GALNTL6: variants seen among roughly 807,000 people sequenced by gnomAD.
GALNTL6 encodes the protein polypeptide N-acetylgalactosaminyltransferase-like 6.
GALNTL6 carries 46 observed loss-of-function variants against 73.7 expected under a neutral mutation model. The observed-to-expected ratio is 0.62, with a 90% confidence interval of 0.49 to 0.80. The LOEUF (loss-of-function observed/expected upper bound fraction) is 0.80, where lower values mean the gene tolerates loss of function less well. Ranked by LOEUF, GALNTL6 falls within the 30% of genes least tolerant of loss-of-function variation. The probability of loss-of-function intolerance (pLI) is 0.00; values close to 1 mark genes in which losing one functional copy is unlikely to be tolerated. For synonymous variants in GALNTL6, 259 were observed against 263.7 expected (o/e 0.98, Z 0.17); for missense variants, 604 against 755.0 (o/e 0.80, Z 2.34).
intron 2 of GALNTL6, among the ~76,000 whole-genome samples, chr4:171,846,827 T>C (rs1439273517): frequency 1.4e-5 from 2 of 147,626 alleles, no homozygotes; most frequent in Non-Finnish European, 3.0e-5. Flanking sequence ...TGTATCTATC[T>C]ATAGATACAT....
At chr4:171,984,580 C>T (rs770142929) in intron 2 of GALNTL6, among the ~76,000 whole-genome samples, 25 of 152,206 alleles carry the variant, frequency 1.6e-4, no homozygotes, top group African/African-American at 5.5e-4. Flanking sequence ...TGTGACAGCC[C>T]GCTCTGGAGT....
chr4:171,990,410 T>C, intron 2 of GALNTL6, among the ~76,000 whole-genome samples: 1 of 152,158 alleles, frequency 6.6e-6, no homozygotes, highest in East Asian at 1.9e-4. Context: ...CACAGTCACA[T>C]AACAGTAAGA....
At chr4:172,755,185 A>G (rs1162167865) in intron 5 of GALNTL6, among the ~76,000 whole-genome samples, 2 of 152,062 alleles carry the variant, frequency 1.3e-5, no homozygotes, top group African/African-American at 4.8e-5. Flanking sequence ...TCATTCAAGG[A>G]TTATCAGTGA....
intron 8 of GALNTL6, 21 bp downstream of exon 8, chr4:172,882,928 C>T: frequency 8.4e-7 from 1 of 1,196,844 alleles, no homozygotes; most frequent in South Asian, 1.3e-5. Context: ...AGACCCTCTT[C>T]ACACTATATC....
chr4:172,962,605 AG>A (rs1213681731), intron 10 of GALNTL6, among the ~76,000 whole-genome samples: 3 of 152,174 alleles, frequency 2.0e-5, no homozygotes, highest in Non-Finnish European at 2.9e-5. Flanking sequence ...ATTTATGGGA[AG>A]GAACCACAAA....
At chr4:171,889,594 T>G (rs1481192162) in intron 2 of GALNTL6, among the ~76,000 whole-genome samples, 1 of 152,138 alleles carries the variant, frequency 6.6e-6, no homozygotes, top group East Asian at 1.9e-4. Context: ...CCCATCATAC[T>G]GAAGAATCAC....
chr4:172,431,671 A>G (rs1040120799), intron 5 of GALNTL6, among the ~76,000 whole-genome samples: 2 of 152,156 alleles, frequency 1.3e-5, no homozygotes, highest in African/African-American at 4.8e-5. Context: ...TTCTACCATT[A>G]ATTTGTGGAA....
chr4:171,848,617 T>A (rs955067952), intron 2 of GALNTL6, among the ~76,000 whole-genome samples: 4 of 152,236 alleles, frequency 2.6e-5, no homozygotes, highest in African/African-American at 9.6e-5. Flanking sequence ...AGCTTCTACA[T>A]CAGCGTCTAC....
At chr4:172,750,303 T>C (rs1737352811) in intron 5 of GALNTL6, among the ~76,000 whole-genome samples, 1 of 152,214 alleles carries the variant, frequency 6.6e-6, no homozygotes, top group African/African-American at 2.4e-5. Context: ...AAATAATACT[T>C]ATTAAGTTTT....
Position 172,107,732 on chromosome 4 carries a change from C to T in GALNTL6, c.139-121924C>T, listed in dbSNP as rs145144113. ...AGGAGATATACCTAATGTTAAATGA[C>T]GAGTTAATGGGTGCAGCACACCAAC... On this transcript the variant is annotated intron_variant, in intron 2 of 12. Coordinates refer to ENST00000506823, the MANE Select transcript of GALNTL6 (RefSeq NM_001034845.3). 7.2e-3 allele frequency among the ~76,000 whole-genome samples: 1,083 copies of T among 150,570 alleles called. 16 individuals are homozygous for T. Among genetic ancestry groups the T allele is most frequent in the African/African-American group, 0.024 (995 of 41,012 alleles).
chr4:172,223,132 A>G (rs1465368998), intron 2 of GALNTL6, among the ~76,000 whole-genome samples: 2 of 152,024 alleles, frequency 1.3e-5, no homozygotes, highest in South Asian at 4.1e-4. Flanking sequence ...GTTTCAGATA[A>G]TATGTTTACG....
intron 8 of GALNTL6, among the ~76,000 whole-genome samples, chr4:172,897,864 G>A (rs1029696938): frequency 1.3e-5 from 2 of 152,188 alleles, no homozygotes; most frequent in African/African-American, 4.8e-5. Flanking sequence ...GTTTTTGAAT[G>A]AGAGAAACTA....
At chr4:172,135,333 T>G (rs905568177) in intron 2 of GALNTL6, among the ~76,000 whole-genome samples, 19 of 152,112 alleles carry the variant, frequency 1.2e-4, no homozygotes, top group African/African-American at 4.6e-4. Flanking sequence ...CAGCCCTGGA[T>G]GCTGTACTGG....
chr4:172,979,810 A>G (rs1323930738), intron 10 of GALNTL6, among the ~76,000 whole-genome samples: 1 of 152,214 alleles, frequency 6.6e-6, no homozygotes, highest in African/African-American at 2.4e-5. Context: ...GCATGCATTG[A>G]AAGGGACAAT....
chr4:172,210,867 T>G (rs1372408844), intron 2 of GALNTL6, among the ~76,000 whole-genome samples: 1 of 152,186 alleles, frequency 6.6e-6, no homozygotes, highest in Non-Finnish European at 1.5e-5. Context: ...ATTCAATCAT[T>G]TGTTTATATC....
chr4:172,766,332 A>G (rs1738404221), intron 5 of GALNTL6, among the ~76,000 whole-genome samples: 1 of 152,194 alleles, frequency 6.6e-6, no homozygotes, highest in Admixed American at 6.5e-5. Context: ...CCCTGAAAAC[A>G]GTATTTCACT....
chr4:172,419,409 G>C (rs762600033), intron 5 of GALNTL6, among the ~76,000 whole-genome samples: 8 of 152,098 alleles, frequency 5.3e-5, no homozygotes, highest in Non-Finnish European at 1.0e-4. Context: ...TATTAAATAT[G>C]ATTATTTTAG....
intron 3 of GALNTL6, among the ~76,000 whole-genome samples, chr4:172,292,015 G>A (rs539580294): frequency 1.3e-5 from 2 of 152,030 alleles, no homozygotes; most frequent in African/African-American, 4.8e-5. Flanking sequence ...CAAATTATCT[G>A]TTCAAGTTCA....
chr4:172,848,342 C>A (rs1389096990), intron 7 of GALNTL6, among the ~76,000 whole-genome samples: 1 of 152,078 alleles, frequency 6.6e-6, no homozygotes, highest in African/African-American at 2.4e-5. Flanking sequence ...TTTCATTGAC[C>A]TGTATTTATT....
Sources: allele counts gnomAD v4.1 joint callset (sites outside exome capture counted in the v4.1 genomes callset), GRCh38; gene constraint gnomAD v4.1.1; transcripts MANE v1.5; gene names NCBI Gene and HGNC (gene_info 2026-07-23, HGNC 2026-07-21).